The following EBF2 variants were observed in gnomAD, a reference collection of about 807,000 sequenced individuals.
The protein encoded by EBF2 is transcription factor COE2.
Under a neutral mutation model 72.8 loss-of-function variants are expected in EBF2, and 21 were observed. That is an observed-to-expected ratio of 0.29 (90% CI 0.20 to 0.42). EBF2 has a LOEUF of 0.42. Ranked by LOEUF, EBF2 falls within the 10% of genes least tolerant of loss-of-function variation. EBF2 has a pLI of 1.00. For missense variants in EBF2, 637 were observed against 731.2 expected (o/e 0.87, Z 1.49); for synonymous variants, 299 against 274.2 (o/e 1.09, Z -0.89).
At chr8:25,939,676 T>A (rs1256608218) in intron 6 of EBF2, among the ~76,000 whole-genome samples, 1 of 152,230 alleles carries the variant, frequency 6.6e-6, no homozygotes, top group Non-Finnish European at 1.5e-5. Context: ...CCCATCATAC[T>A]CTAATGTGTC....
chr8:25,892,404 GT>G (rs1292971424), intron 7 of EBF2, among the ~76,000 whole-genome samples: 1 of 152,054 alleles, frequency 6.6e-6, no homozygotes, highest in East Asian at 1.9e-4. Flanking sequence ...ACAGGTTTGG[GT>G]TTTTTTGTAG....
intron 14 of EBF2, among the ~76,000 whole-genome samples, chr8:25,856,194 A>G (rs1468814786): frequency 2.0e-5 from 3 of 152,118 alleles, no homozygotes; most frequent in African/African-American, 7.2e-5. Context: ...ACCACACTAC[A>G]TACTGTATTA....
intron 6 of EBF2, among the ~76,000 whole-genome samples, chr8:26,030,246 T>C (rs1007468296): frequency 6.6e-6 from 1 of 152,196 alleles, no homozygotes; most frequent in Non-Finnish European, 1.5e-5. Flanking sequence ...CAAAAGCCCT[T>C]CTTGTGTCCA....
chr8:25,997,725 G>T (rs1804657402), intron 6 of EBF2, among the ~76,000 whole-genome samples: 1 of 152,250 alleles, frequency 6.6e-6, no homozygotes, highest in South Asian at 2.1e-4. Context: ...TCTTGAGAAG[G>T]CAGTTTCTCT....
intron 6 of EBF2, among the ~76,000 whole-genome samples, chr8:25,954,107 A>G (rs1326829854): frequency 1.3e-5 from 2 of 152,234 alleles, no homozygotes; most frequent in Non-Finnish European, 2.9e-5. Flanking sequence ...TCATGCTAGC[A>G]ACATAATTAT....
Position 25,844,410 on chromosome 8 carries a change from A to C in EBF2, c.*199T>G. ...AATGACATCTTTTGTCCTTGTCCCA[A>C]GAGGGTCAGTTTGTGTAGCCACCAT... On this transcript the variant is annotated 3_prime_UTR_variant, in exon 16 of 16. Transcript: ENST00000520164. 1 of 575,126 alleles carries C rather than the reference A, an allele frequency of 1.7e-6. No homozygotes were observed. Among genetic ancestry groups the C allele is most frequent in the Non-Finnish European group, 3.1e-6 (1 of 322,622 alleles). 35.6% of individuals were successfully genotyped at this position (575,126 alleles called of 1,614,324 possible).
At chr8:26,010,085 G>A (rs976668041) in intron 6 of EBF2, among the ~76,000 whole-genome samples, 3 of 152,224 alleles carry the variant, frequency 2.0e-5, no homozygotes, top group East Asian at 3.9e-4. Context: ...ACGGAAAGTC[G>A]GGGGGAACAG....
At chr8:26,032,925 C>T (rs1805432907) in intron 6 of EBF2, 160 bp downstream of exon 6, 5 of 636,744 alleles carry the variant, frequency 7.9e-6, no homozygotes, top group Non-Finnish European at 1.4e-5. Context: ...TGGCTTCTTC[C>T]AAGAAAGGCC....
At chr8:25,935,286 A>G (rs570849001) in intron 6 of EBF2, among the ~76,000 whole-genome samples, 4 of 152,308 alleles carry the variant, frequency 2.6e-5, no homozygotes, top group Admixed American at 2.0e-4. Flanking sequence ...AGTCACTTTC[A>G]ATCAAGTGTC....
intron 6 of EBF2, among the ~76,000 whole-genome samples, chr8:25,957,690 C>A (rs1301314690): frequency 1.3e-5 from 2 of 152,172 alleles, no homozygotes; most frequent in African/African-American, 4.8e-5. Context: ...TAGCAAGACC[C>A]TATCTCTACA....
intron 6 of EBF2, among the ~76,000 whole-genome samples, chr8:25,981,337 G>A (rs1346889845): frequency 1.3e-5 from 2 of 152,130 alleles, no homozygotes; most frequent in South Asian, 2.1e-4. Context: ...GTACGAAGTC[G>A]ATGCTCTGTG....
chr8:25,999,077 T>G (rs1157110642), intron 6 of EBF2, among the ~76,000 whole-genome samples: 2 of 152,182 alleles, frequency 1.3e-5, no homozygotes, highest in Non-Finnish European at 2.9e-5. Context: ...ATCAGGTTGA[T>G]GTTACTGAAG....
At chr8:25,884,462 C>T (rs1802657188) in intron 10 of EBF2, among the ~76,000 whole-genome samples, 7 of 152,154 alleles carry the variant, frequency 4.6e-5, no homozygotes, top group Admixed American at 4.6e-4. Context: ...GCTCCATGTC[C>T]CCTCTTCAGA....
At chr8:25,855,102 G>A (rs1366009876) in intron 14 of EBF2, among the ~76,000 whole-genome samples, 1 of 152,170 alleles carries the variant, frequency 6.6e-6, no homozygotes, top group Non-Finnish European at 1.5e-5. Context: ...TATGGATAGA[G>A]GCCAAAGTAA....
chr8:25,852,094 T>G (rs574366891), intron 14 of EBF2, among the ~76,000 whole-genome samples: 18 of 152,200 alleles, frequency 1.2e-4, no homozygotes, highest in Admixed American at 3.9e-4. Flanking sequence ...TCTGAGTACA[T>G]CTGTCTTTCC....
At chr8:25,929,823 G>A (rs186604123) in intron 6 of EBF2, among the ~76,000 whole-genome samples, 2 of 152,152 alleles carry the variant, frequency 1.3e-5, no homozygotes, top group East Asian at 3.9e-4. Flanking sequence ...GGGTATCAGT[G>A]GGAAAATGGT....
At chr8:25,961,424 C>T (rs774143830) in intron 6 of EBF2, among the ~76,000 whole-genome samples, 1 of 152,148 alleles carries the variant, frequency 6.6e-6, no homozygotes, top group African/African-American at 2.4e-5. Flanking sequence ...AGTGCAGTGG[C>T]GCGATCTTGG....
chr8:25,992,333 C>CAAAAA (rs36020598), intron 6 of EBF2, among the ~76,000 whole-genome samples: 41 of 52,520 alleles, frequency 7.8e-4, no homozygotes, highest in African/African-American at 2.9e-3. Context: ...GACTCTGTCT[C>CAAAAA]AAAAAAAAAA....
intron 6 of EBF2, among the ~76,000 whole-genome samples, chr8:25,955,303 AG>A (rs2117173186): frequency 6.6e-6 from 1 of 152,342 alleles, no homozygotes; most frequent in Non-Finnish European, 1.5e-5. Flanking sequence ...AAGGGCCTAG[AG>A]GCAAGAAACC....
Sources: allele counts gnomAD v4.1 joint callset (sites outside exome capture counted in the v4.1 genomes callset), GRCh38; gene constraint gnomAD v4.1.1; transcripts MANE v1.5; gene names NCBI Gene and HGNC (gene_info 2026-07-23, HGNC 2026-07-21).